The following PITPNM2 variants were observed in gnomAD, a reference collection of about 807,000 sequenced individuals.
PITPNM2 encodes membrane-associated phosphatidylinositol transfer protein 2.
PITPNM2 carries 35 observed loss-of-function variants against 132.2 expected under a neutral mutation model. That is an observed-to-expected ratio of 0.26 (90% CI 0.20 to 0.35). PITPNM2 has a LOEUF of 0.35. PITPNM2 is among the 10% of genes least tolerant of loss of function. PITPNM2 has a pLI of 1.00. For missense variants in PITPNM2, 1,332 were observed against 1,912.0 expected, an observed-to-expected ratio of 0.70 and a Z score of 5.66; for synonymous variants, 738 against 799.2, an observed-to-expected ratio of 0.92 and a Z score of 1.29.
chr12:123,094,811 C>G (rs1312238558), intron 2 of PITPNM2, among the ~76,000 whole-genome samples: 1 of 152,080 alleles, frequency 6.6e-6, no homozygotes, highest in Non-Finnish European at 1.5e-5. Context: ...TTGGACTGAC[C>G]GACCTCCTGG....
In PITPNM2 at chr12:123,009,732, A is replaced by G; in HGVS notation, c.643+118T>C. On this transcript the variant is annotated intron_variant, in intron 6 of 25. Transcript: ENST00000320201. The surrounding 1 kb of genome is among the most constrained non-coding windows in gnomAD (Gnocchi z 4.8). ...GGCTTTGGTGTCACCTTCCCAGAAC[A>G]AAACAGAAACGCAGACTCCCAGGCA... 4 of 1,017,256 alleles carry G rather than the reference A, an allele frequency of 3.9e-6. No homozygotes were observed. The East Asian group carries it at 9.6e-5, about 24-fold the overall frequency. The allele number at this position is 1,017,256 out of a possible 1,614,324, so 63.0% of individuals were successfully genotyped here.
chr12:123,010,135 C>A (rs1210156775), intron 5 of PITPNM2, 58 bp from the exon 6 acceptor site: 2 of 1,404,902 alleles, frequency 1.4e-6, no homozygotes, highest in African/African-American at 2.8e-5. Context: ...CCACCCACAT[C>A]TCTCCATGTT....
intron 6 of PITPNM2, chr12:123,006,116 C>T (rs915911688): frequency 2.7e-5 from 4 of 150,848 alleles, no homozygotes; most frequent in Non-Finnish European, 4.4e-5. Flanking sequence ...GTCTCTAAAT[C>T]GATAAATAAA....
At position 123,023,277 on chromosome 12, in the gene PITPNM2, C is replaced by T. The variant is rs758695892; in HGVS notation, c.79-9235G>A. On this transcript the variant is annotated intron_variant, in intron 3 of 25. Transcript: ENST00000320201. This position sits in a 1 kb window ranked among gnomAD's most constrained non-coding sequence, Gnocchi z 4.8. ...GAAGCTGCCACTCAGAATGTCAGTG[C>T]GCAGGCGTGCATGCGTGCACACACA... 2.0e-5 allele frequency among the ~76,000 whole-genome samples: 3 copies of T among 152,198 alleles called. No individual in the cohort carries two copies. The highest frequency in any genetic ancestry group is 2.1e-4 in the South Asian group (1 of 4,830).
rs1592951486 is a variant in PITPNM2, at chr12:123,022,485, C to T, written c.79-8443G>A. Among the ~76,000 whole-genome samples, 1 of 152,126 alleles carries T rather than the reference C, an allele frequency of 6.6e-6. No homozygotes were observed. Among genetic ancestry groups the T allele is most frequent in the Non-Finnish European group, 1.5e-5 (1 of 68,022 alleles). On this transcript the variant is annotated intron_variant, in intron 3 of 25. Transcript: ENST00000320201. This position sits in a 1 kb window ranked among gnomAD's most constrained non-coding sequence, Gnocchi z 4.9. ...AGAGAGGGCTTCCTGGAAAAAGAGG[C>T]TACCAAGGGAGGCAAAGAGCATGAA...
At chr12:123,079,822 T>C (rs1428021578) in intron 2 of PITPNM2, among the ~76,000 whole-genome samples, 1 of 152,228 alleles carries the variant, frequency 6.6e-6, no homozygotes, top group Non-Finnish European at 1.5e-5. Flanking sequence ...AAGTGTTCAC[T>C]TCAGTGGCAT....
Position 122,987,528 on chromosome 12 carries a change from A to G in PITPNM2, c.3246T>C (p.Pro1082=). 6.2e-7 allele frequency: 1 copy of G among 1,613,300 alleles called. No homozygotes were observed. The highest frequency in any genetic ancestry group is 8.5e-7 in the Non-Finnish European group (1 of 1,179,548). Residue 1082 remains proline, a synonymous_variant, in exon 22 of 26, where the codon CCT becomes CCC. Transcript: ENST00000320201. ...GCATATACCTGACCACCATCTTGATAGGGTAGACACCCACGCCCAGGCGGT... is the reference window on the plus strand; with the variant it reads ...GCATATACCTGACCACCATCTTGATGGGGTAGACACCCACGCCCAGGCGGT... ...ESHRLGVGVY[P]IKMVVRGDHT...
chr12:123,123,911 G>A (rs1198690615), intron 1 of PITPNM2, among the ~76,000 whole-genome samples: 1 of 149,926 alleles, frequency 6.7e-6, no homozygotes, highest in African/African-American at 2.5e-5. Flanking sequence ...ACTCTACCCT[G>A]GGCAACAGAG....
At chr12:123,054,658 A>C (rs1208899810) in intron 2 of PITPNM2, among the ~76,000 whole-genome samples, 1 of 152,186 alleles carries the variant, frequency 6.6e-6, no homozygotes, top group Non-Finnish European at 1.5e-5. Context: ...TTCAAACTGG[A>C]TTTCTGTTGC....
At position 123,015,348 on chromosome 12, in the gene PITPNM2, AACAG is replaced by A. The variant is rs60609226; in HGVS notation, c.79-1310_79-1307del. 6.8e-3 allele frequency among the ~76,000 whole-genome samples: 1,029 copies of A among 152,282 alleles called. 14 individuals carry two copies. The highest frequency in any genetic ancestry group is 0.023 in the African/African-American group (963 of 41,496). On this transcript the variant is annotated intron_variant, in intron 3 of 25. Coordinates refer to ENST00000320201, the MANE Select transcript of PITPNM2 (RefSeq NM_020845.3). ...ACTGGATAGGATAGACAAATAGATC[AACAG>A]ACAGACAGACAGAATATAATTGAGA... is the stretch of plus-strand genomic sequence containing the variant.
At chr12:123,007,004 G>A (rs754402813) in intron 6 of PITPNM2, among the ~76,000 whole-genome samples, 3 of 152,172 alleles carry the variant, frequency 2.0e-5, no homozygotes, top group Non-Finnish European at 4.4e-5. Context: ...CACAGCCCCA[G>A]CGAAGAAACA....
At chr12:123,013,320 A>T (rs2039289794) in intron 4 of PITPNM2, among the ~76,000 whole-genome samples, 1 of 152,214 alleles carries the variant, frequency 6.6e-6, no homozygotes, top group African/African-American at 2.4e-5. Flanking sequence ...CAGCAGTGAT[A>T]AGCTACACAC....
At position 122,997,314 on chromosome 12, in the gene PITPNM2, A is replaced by G; in HGVS notation, c.1472+11T>C. 3 of 1,612,188 alleles carry G rather than the reference A, an allele frequency of 1.9e-6. No individual in the cohort carries two copies. The highest frequency in any genetic ancestry group is 1.7e-5 in the Admixed American group (1 of 60,006). On this transcript the variant is annotated intron_variant, in intron 11 of 25. Transcript: ENST00000320201. ...TGCCGGAGGCTGCAATCAAGGGCAGATGCCACTCACTTGGAGACCAGGGCA... is the reference window on the plus strand; with the variant it reads ...TGCCGGAGGCTGCAATCAAGGGCAGGTGCCACTCACTTGGAGACCAGGGCA...
In PITPNM2 at chr12:122,988,769, G is replaced by A. The variant is rs752658463; in HGVS notation, c.2835C>T (p.Ala945=). ...CCACGTCTGTTGACTCCCAGTAGCT[G>A]GCGTGGAAGAGGTGAGGCAGAGCCA... The part of the protein sequence containing the change: ...PTVALPHLFH[A]SYWESTDVVS... Residue 945 remains alanine (A), a synonymous_variant, in exon 19 of 26, where the codon GCC becomes GCT. Transcript: ENST00000320201. The A allele has an allele frequency of 1.3e-6, 2 of 1,577,092 alleles. No individual in the cohort carries two copies. The highest frequency in any genetic ancestry group is 1.7e-6 in the Non-Finnish European group (2 of 1,161,334).
Position 123,078,261 on chromosome 12 carries a change from A to G in PITPNM2, c.-96+32124T>C, listed in dbSNP as rs2041853034. Among the ~76,000 whole-genome samples the G allele has an allele frequency of 6.6e-6, 1 of 152,190 alleles. No individual in the cohort carries two copies. The highest frequency in any genetic ancestry group is 2.4e-5 in the African/African-American group (1 of 41,450). On this transcript the variant is annotated intron_variant, in intron 2 of 25. Coordinates refer to ENST00000320201, the MANE Select transcript of PITPNM2 (RefSeq NM_020845.3). The surrounding 1 kb of genome is among the most constrained non-coding windows in gnomAD (Gnocchi z 7.3). ...GGCATCAGCAGAGAGCCAATCCCAC[A>G]GTTCTGCTGCTGCAGCCTCCCCCAT...
At chr12:123,115,537 G>A (rs911117042) in intron 1 of PITPNM2, among the ~76,000 whole-genome samples, 3 of 151,678 alleles carry the variant, frequency 2.0e-5, no homozygotes, top group African/African-American at 7.3e-5. Context: ...CCCAATACGC[G>A]CCCGCACACA....
intron 1 of PITPNM2, among the ~76,000 whole-genome samples, chr12:123,135,191 G>A (rs1289851384): frequency 3.9e-5 from 6 of 152,112 alleles, no homozygotes; most frequent in Non-Finnish European, 7.3e-5. Flanking sequence ...AAGCAAAGAC[G>A]TCCAGGGTGA....
intron 2 of PITPNM2, among the ~76,000 whole-genome samples, chr12:123,039,984 T>C (rs1207189149): frequency 6.6e-6 from 1 of 152,038 alleles, no homozygotes; most frequent in Non-Finnish European, 1.5e-5. Context: ...ATACAAAAGT[T>C]AGCCAGGTGT....
intron 17 of PITPNM2, 28 bp from the exon 18 acceptor site, chr12:122,989,976 A>G: frequency 7.7e-7 from 1 of 1,298,228 alleles, no homozygotes; most frequent in African/African-American, 1.5e-5. Flanking sequence ...TGGATGGCTC[A>G]GCCACGCGGG....
Sources: allele counts gnomAD v4.1 joint callset (sites outside exome capture counted in the v4.1 genomes callset), GRCh38; gene constraint gnomAD v4.1.1; non-coding constraint Gnocchi (gnomAD v3.1); transcripts MANE v1.5; gene names NCBI Gene and HGNC (gene_info 2026-07-23, HGNC 2026-07-21).